PLCG2: variants seen among roughly 807,000 people sequenced by gnomAD.
PLCG2 encodes the protein phospholipase C gamma 2, also known as 1-phosphatidylinositol 4,5-bisphosphate phosphodiesterase gamma-2.
A neutral mutation model predicts 175.6 loss-of-function variants in PLCG2; 69 were observed. That is an observed-to-expected ratio of 0.39 (90% CI 0.32 to 0.48). The LOEUF is 0.48. PLCG2 is among the 20% of genes least tolerant of loss of function. The probability of loss-of-function intolerance (pLI) is 0.91; values close to 1 mark genes in which losing one functional copy is unlikely to be tolerated. For missense variants in PLCG2, 1,798 were observed against 1,650.9 expected (o/e 1.09, Z -1.54); for synonymous variants, 827 against 624.0 (o/e 1.33, Z -4.85).
At chr16:81,743,844 A>G (rs543216293) in intron 1 of PLCG2, among the ~76,000 whole-genome samples, 2 of 150,444 alleles carry the variant, frequency 1.3e-5, no homozygotes, top group South Asian at 2.1e-4. Flanking sequence ...ATGAGGGGAT[A>G]ACCTCCTTTT....
At chr16:81,753,363 T>C (rs1359427187) in intron 1 of PLCG2, among the ~76,000 whole-genome samples, 1 of 150,980 alleles carries the variant, frequency 6.6e-6, no homozygotes, top group Non-Finnish European at 1.5e-5. Context: ...TTTTTTTTTT[T>C]TTTGTATTCT....
intron 2 of PLCG2, among the ~76,000 whole-genome samples, chr16:81,820,588 C>T (rs1227976727): frequency 6.6e-6 from 1 of 151,192 alleles, no homozygotes; most frequent in Non-Finnish European, 1.5e-5. Flanking sequence ...TTGGGCATAT[C>T]AGTTTTCCCC....
At chr16:81,857,922 T>C (rs1597357795) in intron 3 of PLCG2, 1 of 254,552 alleles carries the variant, frequency 3.9e-6, no homozygotes, top group East Asian at 6.8e-5. Flanking sequence ...TAGAACAATG[T>C]CTAGTATATA....
At position 81,937,755 on chromosome 16, in the gene PLCG2, C is replaced by T; in HGVS notation, c.3053-3C>T. On this transcript the variant is annotated splice_polypyrimidine_tract_variant and splice_region_variant and intron_variant, in intron 27 of 32. Coordinates refer to ENST00000564138, the MANE Select transcript of PLCG2 (RefSeq NM_002661.5). ...TACAGCAGGCGTTCACTTTCCTTCCCAGATAAGTACATGCAGATGAATCAC... is the reference window on the plus strand; with the variant it reads ...TACAGCAGGCGTTCACTTTCCTTCCTAGATAAGTACATGCAGATGAATCAC... 6.2e-7 allele frequency: 1 copy of T among 1,612,646 alleles called. No homozygotes were observed. Among genetic ancestry groups the T allele is most frequent in the Non-Finnish European group, 8.5e-7 (1 of 1,179,222 alleles).
At chr16:81,801,030 G>T (rs913777414) in intron 2 of PLCG2, among the ~76,000 whole-genome samples, 6 of 152,128 alleles carry the variant, frequency 3.9e-5, no homozygotes, top group African/African-American at 1.2e-4. Context: ...CCCCTAGAGG[G>T]TCTGGAGAAA....
upstream of PLCG2, among the ~76,000 whole-genome samples, chr16:81,778,447 A>G (rs4494535): frequency 0.56 from 85,083 of 152,054 alleles, 24,195 homozygotes; most frequent in South Asian, 0.75. Flanking sequence ...TGCCCCTGAA[A>G]CTGCCTCTAG....
intron 5 of PLCG2, among the ~76,000 whole-genome samples, chr16:81,866,864 C>A (rs1303772115): frequency 6.6e-6 from 1 of 152,262 alleles, no homozygotes; most frequent in Non-Finnish European, 1.5e-5. Flanking sequence ...CTTCATCCTG[C>A]CCTGGCCCAG....
At chr16:81,829,951 A>G (rs1905195598) in intron 2 of PLCG2, among the ~76,000 whole-genome samples, 1 of 151,656 alleles carries the variant, frequency 6.6e-6, no homozygotes, top group African/African-American at 2.4e-5. Flanking sequence ...CATCCCCACT[A>G]GGTGCCAGGC....
At chr16:81,845,047 ACTT>A (rs1312687139) in intron 2 of PLCG2, among the ~76,000 whole-genome samples, 2 of 152,144 alleles carry the variant, frequency 1.3e-5, no homozygotes, top group Admixed American at 1.3e-4. Context: ...TCCTCCCTCA[ACTT>A]CTTGAGTAGC....
In PLCG2 at chr16:81,779,295, G is replaced by T. The variant is rs1034056521; in HGVS notation, c.-177G>T. On this transcript the variant is annotated 5_prime_UTR_variant, in exon 1 of 33. Coordinates refer to ENST00000564138, the MANE Select transcript of PLCG2 (RefSeq NM_002661.5). ...GCGCGGCGCCGCGGCCGAAGCAGAA[G>T]TAGCGAGCGCCGGCGGCGGAGGGCG... The T allele has an allele frequency of 6.6e-5, 10 of 150,704 alleles. No individual in the cohort carries two copies. Among genetic ancestry groups the T allele is most frequent in the African/African-American group, 2.4e-4 (10 of 41,272 alleles). The allele number at this position is 150,704 out of a possible 1,614,324, so 9.3% of individuals were successfully genotyped here.
chr16:81,872,282 T>G (rs1240415742), intron 7 of PLCG2, among the ~76,000 whole-genome samples: 3 of 152,056 alleles, frequency 2.0e-5, no homozygotes, highest in Non-Finnish European at 1.5e-5. Flanking sequence ...GAGCCGAGAT[T>G]GCACTACTGC....
At chr16:81,808,924 T>TA (rs1016472160) in intron 2 of PLCG2, among the ~76,000 whole-genome samples, 5 of 152,144 alleles carry the variant, frequency 3.3e-5, no homozygotes, top group Non-Finnish European at 5.9e-5. Context: ...GAGCTTGGTG[T>TA]AGTTTGTGGC....
intron 10 of PLCG2, chr16:81,889,498 C>T (rs968492887): frequency 4.1e-5 from 18 of 436,016 alleles, no homozygotes; most frequent in African/African-American, 1.8e-4. Flanking sequence ...TGCCTGCTGC[C>T]TAGACAGAAC....
intron 12 of PLCG2, 67 bp downstream of exon 12, chr16:81,893,861 A>G: frequency 2.0e-6 from 2 of 991,662 alleles, no homozygotes; most frequent in African/African-American, 1.6e-5. Context: ...TGGTTGCTCC[A>G]TGTTTTCTTT....
At chr16:81,865,721 C>T (rs937030214) in intron 5 of PLCG2, among the ~76,000 whole-genome samples, 1 of 151,132 alleles carries the variant, frequency 6.6e-6, no homozygotes, top group African/African-American at 2.4e-5. Flanking sequence ...GCTGGCCTCT[C>T]CCTTGCTCCC....
chr16:81,887,617 A>G (rs1206015996), intron 9 of PLCG2, among the ~76,000 whole-genome samples: 2 of 152,106 alleles, frequency 1.3e-5, no homozygotes, highest in African/African-American at 4.8e-5. Context: ...GCTGGTCACC[A>G]CCTGATTTGT....
At chr16:81,863,061 T>C (rs535704551) in intron 5 of PLCG2, among the ~76,000 whole-genome samples, 4 of 152,336 alleles carry the variant, frequency 2.6e-5, no homozygotes, top group South Asian at 2.1e-4. Context: ...TAGAACAACA[T>C]TGATCATTTT....
At chr16:81,925,172 G>A (rs1910211364) in intron 22 of PLCG2, among the ~76,000 whole-genome samples, 1 of 152,244 alleles carries the variant, frequency 6.6e-6, no homozygotes, top group Admixed American at 6.5e-5. Context: ...ACTGTCAGAA[G>A]TCCCTTTGGC....
At chr16:81,741,713 A>C (rs1208765805) in intron 1 of PLCG2, among the ~76,000 whole-genome samples, 2 of 152,164 alleles carry the variant, frequency 1.3e-5, no homozygotes, top group Non-Finnish European at 2.9e-5. Flanking sequence ...TGGGAGGCTG[A>C]GGCAAGAGAA....
Sources: gnomAD v4.1 joint callset for allele counts (sites outside exome capture counted in the v4.1 genomes callset) on GRCh38, gnomAD v4.1.1 for gene constraint, MANE v1.5 for transcripts, NCBI Gene and HGNC (gene_info 2026-07-23, HGNC 2026-07-21) for gene names.